Variants in COX15 observed in about 807,000 individuals in gnomAD.
COX15 encodes the protein cytochrome c oxidase assembly factor COX15.
Under a neutral mutation model 51.9 loss-of-function variants are expected in COX15, and 51 were observed. The ratio of observed to expected loss-of-function variants is 0.98; its 90% CI spans 0.78 to 1.24. The LOEUF (loss-of-function observed/expected upper bound fraction) is 1.24, where lower values mean the gene tolerates loss of function less well. Ranked by LOEUF, COX15 falls within the 50% of genes most tolerant of loss-of-function variation. The pLI, the probability that COX15 is intolerant of heterozygous loss-of-function variation, is 0.00. For synonymous variants in COX15, 188 were observed against 190.5 expected, an observed-to-expected ratio of 0.99 and a Z score of 0.11; for missense variants, 420 against 501.1, an observed-to-expected ratio of 0.84 and a Z score of 1.55.
At chr10:99,724,172 G>T in intron 4 of COX15, 49 bp from the exon 5 acceptor site, 1 of 1,605,958 alleles carries the variant, frequency 6.2e-7, no homozygotes, top group Admixed American at 1.7e-5. Context: ...AAAATGATCT[G>T]TTCAACTTTC....
At chr10:99,723,516 A>G (rs993110201) in intron 5 of COX15, among the ~76,000 whole-genome samples, 9 of 152,212 alleles carry the variant, frequency 5.9e-5, no homozygotes, top group African/African-American at 2.2e-4. Flanking sequence ...CTCTATTATT[A>G]ATGAAGGCCT....
the COX15 span, chr10:99,702,644 T>C: frequency 6.2e-7 from 1 of 1,613,184 alleles, no homozygotes. Context: ...TGGGAGCCAT[T>C]CTATATAAAA....
intron 4 of COX15, 112 bp downstream of exon 4, chr10:99,726,856 C>T: frequency 8.8e-7 from 1 of 1,134,834 alleles, no homozygotes; most frequent in Non-Finnish European, 1.3e-6. Flanking sequence ...CCACTGCACT[C>T]CAGCCTGGGC....
At position 99,724,719 on chromosome 10, in the gene COX15, A is replaced by G. The variant is rs527675056; in HGVS notation, c.583-596T>C. On this transcript the variant is annotated intron_variant, in intron 4 of 8. Coordinates refer to ENST00000016171, the MANE Select transcript of COX15 (RefSeq NM_078470.6). ...ATGCATAAAATACACTAACACTAAC[A>G]GTAGCTGATGAGCTTTAAAAAAAAA... is the stretch of plus-strand genomic sequence containing the variant. Among the ~76,000 whole-genome samples, 17 of 152,036 alleles carry G rather than the reference A, an allele frequency of 1.1e-4. 1 individual carries two copies. Among genetic ancestry groups the G allele is most frequent in the Admixed American group, 5.2e-4 (8 of 15,254 alleles).
chr10:99,704,979 G>C, the COX15 span: 12 of 367,934 alleles, frequency 3.3e-5, no homozygotes, highest in Non-Finnish European at 5.0e-5. Context: ...TGTGTTCCTA[G>C]AATCTCACCT....
chr10:99,709,053 G>C (rs1346220611), downstream of COX15: 24 of 982,500 alleles, frequency 2.4e-5, no homozygotes, highest in South Asian at 1.0e-3. Flanking sequence ...TCTTGTTCCT[G>C]TATTTCTTTT....
At chr10:99,701,208 TAGTG>T in the COX15 span, 3 of 685,740 alleles carry the variant, frequency 4.4e-6, no homozygotes, top group Admixed American at 2.6e-5. Flanking sequence ...GGGGCCAAAA[TAGTG>T]AGCCTATTAT....
chr10:99,703,215 G>A, the COX15 span, among the ~76,000 whole-genome samples: 9 of 144,204 alleles, frequency 6.2e-5, no homozygotes, highest in African/African-American at 1.0e-4. Flanking sequence ...TTACTTTTAT[G>A]TACTGTCAGA....
At chr10:99,718,319 T>G (rs1376524277) in intron 7 of COX15, 27 bp downstream of exon 7, 1 of 1,613,702 alleles carries the variant, frequency 6.2e-7, no homozygotes, top group Admixed American at 1.7e-5. Context: ...CTGTGCTCTC[T>G]GGCAGGTAAC....
downstream of COX15, chr10:99,710,697 A>C (rs1288711636): frequency 2.0e-6 from 2 of 985,326 alleles, no homozygotes; most frequent in Middle Eastern, 5.2e-4. Context: ...CCCACCATTC[A>C]TCCCAGGACC....
At position 99,711,987 on chromosome 10, in the gene COX15, G is replaced by T; in HGVS notation, c.*2600C>A. The T allele has an allele frequency of 3.1e-6, 1 of 323,286 alleles. No individual in the cohort carries two copies. Among genetic ancestry groups the T allele is most frequent in the Non-Finnish European group, 4.5e-6 (1 of 224,656 alleles). 20.0% of individuals were successfully genotyped at this position (323,286 alleles called of 1,614,324 possible). A position where few individuals can be genotyped will look rare whatever the true frequency, so the allele number is the denominator to read the frequency against. On this transcript the variant is annotated 3_prime_UTR_variant, in exon 9 of 9. Transcript: ENST00000016171. ...GTGAAGGGGAGCCAGTGTGTCACATGGTGAGAGAGAGCAAGCGAGAGAGGA... is the reference window on the plus strand; with the variant it reads ...GTGAAGGGGAGCCAGTGTGTCACATTGTGAGAGAGAGCAAGCGAGAGAGGA...
In COX15 at chr10:99,713,239, G is replaced by A. The variant is rs532790726; in HGVS notation, c.*1348C>T. The A allele has an allele frequency of 1.4e-6, 2 of 1,416,302 alleles. No homozygotes were observed. Among genetic ancestry groups the A allele is most frequent in the South Asian group, 2.8e-5 (2 of 72,020 alleles). 87.7% of individuals were successfully genotyped at this position (1,416,302 alleles called of 1,614,324 possible). ...AACTAAAATCCCGTCTTTTTTATAT[G>A]AAATGATATAAGGCCAGGTTTCTTC... On this transcript the variant is annotated 3_prime_UTR_variant, in exon 9 of 9. Transcript: ENST00000016171.
downstream of COX15, among the ~76,000 whole-genome samples, chr10:99,707,170 G>A (rs919707381): frequency 7.9e-5 from 12 of 152,098 alleles, no homozygotes; most frequent in Non-Finnish European, 1.8e-4. Context: ...TTGTCTTGGA[G>A]TGTTTAATGT....
At chr10:99,701,006 C>T in the COX15 span, 2 of 1,614,018 alleles carry the variant, frequency 1.2e-6, no homozygotes, top group Non-Finnish European at 1.7e-6. Context: ...GGTACTAACT[C>T]AGAGATTCAA....
chr10:99,725,342 G>A (rs1410134009), intron 4 of COX15, among the ~76,000 whole-genome samples: 13 of 152,204 alleles, frequency 8.5e-5, no homozygotes. Flanking sequence ...GACGTACACA[G>A]TTGATTCACT....
chr10:99,698,645 A>T, the COX15 span: 7 of 1,614,074 alleles, frequency 4.3e-6, no homozygotes, highest in African/African-American at 9.3e-5. Flanking sequence ...TACATGTCCG[A>T]GGAAGAGGAG....
chr10:99,700,393 C>G, the COX15 span, among the ~76,000 whole-genome samples: 1 of 103,598 alleles, frequency 9.7e-6, no homozygotes, highest in Non-Finnish European at 1.9e-5. Context: ...TCCAACGTAC[C>G]GTGTGTGTGT....
At position 99,712,058 on chromosome 10, in the gene COX15, C is replaced by T. The variant is rs1284546771; in HGVS notation, c.*2529G>A. On this transcript the variant is annotated 3_prime_UTR_variant, in exon 9 of 9. Coordinates refer to ENST00000016171, the MANE Select transcript of COX15 (RefSeq NM_078470.6). ...AACAACCAGCTCTTGCATAAACAAC[C>T]AGAGTGAGAACTCACTCATTACTAT... The T allele has an allele frequency of 3.4e-6, 1 of 291,204 alleles. No homozygotes were observed. The highest frequency in any genetic ancestry group is 5.1e-6 in the Non-Finnish European group (1 of 195,580). 18.0% of individuals were successfully genotyped at this position (291,204 alleles called of 1,614,324 possible). A position where few individuals can be genotyped will look rare whatever the true frequency, so the allele number is the denominator to read the frequency against.
chr10:99,703,342 G>A, the COX15 span, among the ~76,000 whole-genome samples: 5 of 152,214 alleles, frequency 3.3e-5, no homozygotes, highest in African/African-American at 1.2e-4. Flanking sequence ...CCAGGCAGGC[G>A]ACAGAAGTGA....
Sources: gnomAD v4.1 joint callset for allele counts (sites outside exome capture counted in the v4.1 genomes callset) on GRCh38, gnomAD v4.1.1 for gene constraint, MANE v1.5 for transcripts, NCBI Gene and HGNC (gene_info 2026-07-23, HGNC 2026-07-21) for gene names.